The following DLG1 variants were observed in gnomAD, a reference collection of about 807,000 sequenced individuals.
DLG1 encodes the protein discs large MAGUK scaffold protein 1, also known as disks large homolog 1.
DLG1 carries 42 observed loss-of-function variants against 123.4 expected under a neutral mutation model. The ratio of observed to expected loss-of-function variants is 0.34; its 90% CI spans 0.27 to 0.44. The LOEUF (loss-of-function observed/expected upper bound fraction) is 0.44. DLG1 is among the 20% of genes least tolerant of loss of function. The pLI, the probability that DLG1 is intolerant of heterozygous loss-of-function variation, is 1.00. For missense variants in DLG1, 942 were observed against 1,082.6 expected (o/e 0.87, Z 1.82); for synonymous variants, 317 against 356.2 (o/e 0.89, Z 1.24).
chr3:197,207,472 T>C (rs1578085970), intron 4 of DLG1, among the ~76,000 whole-genome samples: 1 of 151,886 alleles, frequency 6.6e-6, no homozygotes, highest in South Asian at 2.1e-4. Context: ...ATAATCCCAA[T>C]AAAAAGGCCA....
intron 1 of DLG1, chr3:197,297,526 A>G (rs963669956): frequency 6.7e-6 from 8 of 1,187,922 alleles, no homozygotes; most frequent in South Asian, 4.2e-5. Context: ...CCCCCGCACA[A>G]GTATCCACAC....
chr3:197,129,782 G>C (rs1259253449), intron 11 of DLG1, among the ~76,000 whole-genome samples: 1 of 152,118 alleles, frequency 6.6e-6, no homozygotes, highest in African/African-American at 2.4e-5. Flanking sequence ...AGGGAGGCCC[G>C]AGGAGAGCGA....
At chr3:197,094,435 G>A (rs1265896996) in intron 14 of DLG1, among the ~76,000 whole-genome samples, 1 of 151,948 alleles carries the variant, frequency 6.6e-6, no homozygotes, top group Non-Finnish European at 1.5e-5. Context: ...TTTGTCTTTT[G>A]GTCTCCTCCT....
In DLG1 at chr3:197,070,137, A is replaced by G. The variant is rs1283629539; in HGVS notation, c.2006-877T>C. On this transcript the variant is annotated intron_variant, in intron 18 of 24. Transcript: ENST00000667157. The stretch of plus-strand genomic sequence containing the variant: ...AAATGTCATCTCAAGTTTTCTCTCA[A>G]TAAATATCTCCCTTCAATTAAACAA... The G allele has an allele frequency of 2.0e-5, 3 of 152,210 alleles. No individual in the cohort carries two copies. In the East Asian group the frequency reaches 5.8e-4, roughly 29 times the overall value. The allele number at this position is 152,210 out of a possible 1,614,324, so 9.4% of individuals were successfully genotyped here.
chr3:197,105,435 C>G (rs943908960), intron 13 of DLG1, among the ~76,000 whole-genome samples: 1 of 152,144 alleles, frequency 6.6e-6, no homozygotes, highest in African/African-American at 2.4e-5. Flanking sequence ...AATTCAGTTC[C>G]AATTATTTTT....
intron 24 of DLG1, 72 bp downstream of exon 24, chr3:197,051,505 T>G (rs1266134705): frequency 5.1e-6 from 6 of 1,187,984 alleles, no homozygotes; most frequent in Non-Finnish European, 7.5e-6. Context: ...AAAATCCACC[T>G]GAACGGGTCG....
At chr3:197,048,296 C>T (rs1050287271) in intron 24 of DLG1, among the ~76,000 whole-genome samples, 1 of 152,102 alleles carries the variant, frequency 6.6e-6, no homozygotes, top group African/African-American at 2.4e-5. Flanking sequence ...CATGGCAAAA[C>T]CCTGTCTCTA....
intron 5 of DLG1, among the ~76,000 whole-genome samples, chr3:197,176,081 G>A (rs931921833): frequency 2.6e-5 from 4 of 151,998 alleles, no homozygotes; most frequent in Non-Finnish European, 5.9e-5. Context: ...CTACAAAGAA[G>A]AATAAAACAC....
intron 23 of DLG1, among the ~76,000 whole-genome samples, chr3:197,058,376 A>G (rs1733356787): frequency 6.7e-6 from 1 of 148,914 alleles, no homozygotes; most frequent in Non-Finnish European, 1.5e-5. Flanking sequence ...GTATTCCTTC[A>G]AAGCTGTGTG....
intron 5 of DLG1, among the ~76,000 whole-genome samples, chr3:197,186,468 T>C (rs1716079313): frequency 6.6e-6 from 1 of 152,232 alleles, no homozygotes; most frequent in African/African-American, 2.4e-5. Context: ...TAATGTGTTT[T>C]CTTTTTCAGA....
chr3:197,063,927 C>CTT (rs1309365223), intron 22 of DLG1, among the ~76,000 whole-genome samples: 1 of 133,296 alleles, frequency 7.5e-6, no homozygotes, highest in African/African-American at 2.8e-5. Context: ...TCTTAATTTA[C>CTT]ATTTTTTTTT....
intron 3 of DLG1, among the ~76,000 whole-genome samples, chr3:197,294,518 C>T (rs1486385493): frequency 2.0e-5 from 3 of 151,936 alleles, no homozygotes; most frequent in Non-Finnish European, 4.4e-5. Context: ...ATTAGCCGGA[C>T]GTGGTGGTGG....
intron 15 of DLG1, among the ~76,000 whole-genome samples, chr3:197,087,119 TGC>T (rs1754876041): frequency 6.6e-6 from 1 of 152,224 alleles, no homozygotes; most frequent in Non-Finnish European, 1.5e-5. Flanking sequence ...CACATTCACC[TGC>T]GTATATTCCC....
intron 5 of DLG1, among the ~76,000 whole-genome samples, chr3:197,172,871 C>A (rs565661535): frequency 1.7e-4 from 26 of 152,294 alleles, no homozygotes; most frequent in African/African-American, 6.0e-4. Context: ...CTTGGTCAAG[C>A]ATATTTGCTT....
upstream of DLG1, chr3:197,299,085 C>G (rs1560222319): frequency 6.6e-6 from 1 of 152,312 alleles, no homozygotes; most frequent in Admixed American, 6.5e-5. Context: ...CCTCGGCCAG[C>G]GCTGCAGGTT....
intron 5 of DLG1, among the ~76,000 whole-genome samples, chr3:197,154,832 G>A (rs766739201): frequency 1.3e-5 from 2 of 152,112 alleles, no homozygotes; most frequent in Non-Finnish European, 2.9e-5. Context: ...GCATATCTGA[G>A]CAGGTAAAAA....
At position 197,065,368 on chromosome 3, in the gene DLG1, CT is replaced by C; in HGVS notation, c.2280del (p.Asp761IlefsTer28). ...HFVTSREQME[K>X]DIQEHKFIEA... The stretch of plus-strand genomic sequence containing the variant: ...TCAATGAATTTATGTTCCTGGATAT[CT>C]TTTTCCATCTGCTCTCTTGAAGTCA... On this transcript the variant is annotated frameshift_variant, in exon 22 of 25. Coordinates refer to ENST00000667157, the MANE Select transcript of DLG1 (RefSeq NM_001366207.1). LOFTEE classifies it high-confidence loss of function. The C allele has an allele frequency of 6.2e-7, 1 of 1,613,108 alleles. No individual in the cohort carries two copies.
In DLG1 at chr3:197,119,513, C is replaced by G. The variant is rs1202000734; in HGVS notation, c.1183G>C (p.Asp395His). The change falls in exon 12 of 25, where the codon GAT (aspartate) becomes CAT (histidine). Residue 395 changes from aspartate (D) to histidine (H), a missense_variant. Transcript: ENST00000667157. ...AAGGAAGATGGGCTAACATGGTTATCAACAGGCTGAGAAGAAGCTTCAAAA... is the reference window on the plus strand; with the variant it reads ...AAGGAAGATGGGCTAACATGGTTATGAACAGGCTGAGAAGAAGCTTCAAAA... ...DITNSSSQPV[D>H]NHVSPSSFLG... 1.2e-6 allele frequency: 2 copies of G among 1,608,866 alleles called. No individual in the cohort carries two copies. Among genetic ancestry groups the G allele is most frequent in the East Asian group, 4.5e-5 (2 of 44,636 alleles).
chr3:197,254,305 G>A (rs1755845232), intron 4 of DLG1, among the ~76,000 whole-genome samples: 1 of 152,138 alleles, frequency 6.6e-6, no homozygotes, highest in Non-Finnish European at 1.5e-5. Flanking sequence ...TCATGCTAGT[G>A]GAAAGAACCA....
Sources: gnomAD v4.1 joint callset for allele counts (sites outside exome capture counted in the v4.1 genomes callset) on GRCh38, gnomAD v4.1.1 for gene constraint, MANE v1.5 for transcripts, NCBI Gene and HGNC (gene_info 2026-07-23, HGNC 2026-07-21) for gene names.